CFAP299: variants seen among roughly 807,000 people sequenced by gnomAD.
CFAP299 encodes the protein cilia and flagella associated protein 299, also known as cilia- and flagella-associated protein 299.
CFAP299 carries 21 observed loss-of-function variants against 27.0 expected under a neutral mutation model. The ratio of observed to expected loss-of-function variants is 0.78; its 90% CI spans 0.55 to 1.12. The LOEUF (loss-of-function observed/expected upper bound fraction) is 1.12. Among genes scored for constraint, CFAP299 ranks in the 50% most tolerant of loss-of-function variants. CFAP299 has a pLI of 0.00. For missense variants in CFAP299, 310 were observed against 276.6 expected, an observed-to-expected ratio of 1.12 and a Z score of -0.86; for synonymous variants, 104 against 98.1, an observed-to-expected ratio of 1.06 and a Z score of -0.36.
At chr4:80,517,215 G>A (rs925621832) in intron 2 of CFAP299, among the ~76,000 whole-genome samples, 4 of 152,092 alleles carry the variant, frequency 2.6e-5, no homozygotes, top group Admixed American at 1.3e-4. Flanking sequence ...CTAAATTGTG[G>A]GGTAGGAAGG....
chr4:80,532,333 A>G (rs1027531394), intron 2 of CFAP299, among the ~76,000 whole-genome samples: 1 of 152,124 alleles, frequency 6.6e-6, no homozygotes, highest in Non-Finnish European at 1.5e-5. Flanking sequence ...AAATGTTGGG[A>G]AAAAAACTGT....
rs548557688 is a variant in CFAP299 at position 80,677,592 on chromosome 4, T to G, written c.333+94409T>G. 5.6e-4 allele frequency among the ~76,000 whole-genome samples: 85 copies of G among 152,190 alleles called. 1 individual carries two copies. The highest frequency in any genetic ancestry group is 1.9e-3 in the African/African-American group (78 of 41,574). On this transcript the variant is annotated intron_variant, in intron 3 of 5. Coordinates refer to ENST00000358105, the MANE Select transcript of CFAP299 (RefSeq NM_152770.3). Reference sequence around the variant, plus strand: ...GTTCTCCTCCTCTCAAATCATATCATTATGATACAATAATATCATAAAAAC... The same window carrying G: ...GTTCTCCTCCTCTCAAATCATATCAGTATGATACAATAATATCATAAAAAC...
intron 2 of CFAP299, among the ~76,000 whole-genome samples, chr4:80,396,533 C>A (rs1725807421): frequency 1.3e-5 from 2 of 152,056 alleles, no homozygotes; most frequent in South Asian, 4.1e-4. Context: ...ACAATGAATT[C>A]TTTTTAGTGT....
At chr4:80,547,838 C>T (rs925911170) in intron 2 of CFAP299, among the ~76,000 whole-genome samples, 3 of 152,128 alleles carry the variant, frequency 2.0e-5, no homozygotes, top group South Asian at 2.1e-4. Context: ...TACCATTTCA[C>T]ACCAGTCAGA....
At chr4:80,507,636 T>C (rs1442268340) in intron 2 of CFAP299, among the ~76,000 whole-genome samples, 1 of 152,212 alleles carries the variant, frequency 6.6e-6, no homozygotes, top group East Asian at 1.9e-4. Context: ...CTCCCTGTTT[T>C]CACAGCTACT....
chr4:80,487,199 A>G (rs1313543687), intron 2 of CFAP299, among the ~76,000 whole-genome samples: 1 of 152,192 alleles, frequency 6.6e-6, no homozygotes, highest in East Asian at 1.9e-4. Flanking sequence ...TTTTATATAT[A>G]CCATTTCTAA....
At chr4:80,851,729 G>A (rs1411342214) in intron 3 of CFAP299, among the ~76,000 whole-genome samples, 4 of 152,134 alleles carry the variant, frequency 2.6e-5, no homozygotes, top group African/African-American at 9.7e-5. Context: ...GGGGTGGGAT[G>A]GGACCATTTT....
In CFAP299 at chr4:80,718,327, C is replaced by A. The variant is rs150845595; in HGVS notation, c.333+135144C>A. On this transcript the variant is annotated intron_variant, in intron 3 of 5. Coordinates refer to ENST00000358105, the MANE Select transcript of CFAP299 (RefSeq NM_152770.3). ...GTCTTTGGCCTGGTATCTTTGGTATCGAATTATATTCAATATATTTTTGGT... is the reference window on the plus strand; with the variant it reads ...GTCTTTGGCCTGGTATCTTTGGTATAGAATTATATTCAATATATTTTTGGT... 2.7e-3 allele frequency among the ~76,000 whole-genome samples: 404 copies of A among 152,010 alleles called. 3 individuals carry two copies. Among genetic ancestry groups the A allele is most frequent in the African/African-American group, 9.4e-3 (391 of 41,468 alleles).
intron 2 of CFAP299, among the ~76,000 whole-genome samples, chr4:80,441,594 C>G (rs1560568987): frequency 6.6e-6 from 1 of 152,146 alleles, no homozygotes; most frequent in Non-Finnish European, 1.5e-5. Flanking sequence ...CCAGCCACTG[C>G]AACAACATAC....
intron 2 of CFAP299, among the ~76,000 whole-genome samples, chr4:80,413,684 C>A (rs986641841): frequency 2.0e-5 from 3 of 150,578 alleles, no homozygotes; most frequent in Non-Finnish European, 4.4e-5. Context: ...GGAAATAAAG[C>A]TGAATCTTCT....
chr4:80,578,279 A>G (rs543712238), intron 2 of CFAP299, among the ~76,000 whole-genome samples: 32 of 152,326 alleles, frequency 2.1e-4, no homozygotes, highest in African/African-American at 7.7e-4. Flanking sequence ...AAATAAGAGT[A>G]ATGCATGTTA....
At chr4:80,626,788 T>G (rs1738932050) in intron 3 of CFAP299, among the ~76,000 whole-genome samples, 2 of 151,734 alleles carry the variant, frequency 1.3e-5, no homozygotes, top group South Asian at 4.1e-4. Flanking sequence ...TTGATGCTTT[T>G]ATTATGAAGA....
chr4:80,468,415 G>A (rs531346709), intron 2 of CFAP299, among the ~76,000 whole-genome samples: 1 of 151,582 alleles, frequency 6.6e-6, no homozygotes, highest in South Asian at 2.1e-4. Context: ...GTAGAGATGG[G>A]GTTTTCCCAT....
intron 3 of CFAP299, among the ~76,000 whole-genome samples, chr4:80,808,998 C>G (rs949939104): frequency 3.9e-5 from 6 of 152,012 alleles, no homozygotes; most frequent in African/African-American, 1.4e-4. Flanking sequence ...AGGGAGAAAC[C>G]AATCCAAAGC....
intron 3 of CFAP299, among the ~76,000 whole-genome samples, chr4:80,727,373 T>C (rs1723222153): frequency 6.6e-6 from 1 of 152,134 alleles, no homozygotes; most frequent in African/African-American, 2.4e-5. Flanking sequence ...AACTGGTCTG[T>C]ACTTCACTTT....
At position 80,796,338 on chromosome 4, in the gene CFAP299, C is replaced by T. The variant is rs576032121; in HGVS notation, c.334-73655C>T. On this transcript the variant is annotated intron_variant, in intron 3 of 5. Coordinates refer to ENST00000358105, the MANE Select transcript of CFAP299 (RefSeq NM_152770.3). ...ATCCTCTGGCATGCAAACGTCTCAC[C>T]AATAAGTCACATGTGTTTGTTACTT... 1.6e-4 allele frequency among the ~76,000 whole-genome samples: 25 copies of T among 152,246 alleles called. No homozygotes were observed. The South Asian group carries it at 5.0e-3, about 30-fold the overall frequency.
chr4:80,468,075 G>C (rs1475105875), intron 2 of CFAP299, among the ~76,000 whole-genome samples: 3 of 152,184 alleles, frequency 2.0e-5, no homozygotes, highest in African/African-American at 7.2e-5. Flanking sequence ...ATCAGTGGAT[G>C]AAAGTAAATT....
chr4:80,906,730 G>A (rs1322378631), intron 4 of CFAP299, among the ~76,000 whole-genome samples: 1 of 152,138 alleles, frequency 6.6e-6, no homozygotes, highest in Non-Finnish European at 1.5e-5. Context: ...ACCCCTTTTA[G>A]CCATGGCTGG....
At chr4:80,568,812 T>C (rs1406227036) in intron 2 of CFAP299, among the ~76,000 whole-genome samples, 1 of 152,058 alleles carries the variant, frequency 6.6e-6, no homozygotes, top group South Asian at 2.1e-4. Context: ...AGACTGAGGG[T>C]TGAGGGCTAT....
Sources: gnomAD v4.1 joint callset for allele counts (sites outside exome capture counted in the v4.1 genomes callset) on GRCh38, gnomAD v4.1.1 for gene constraint, MANE v1.5 for transcripts, NCBI Gene and HGNC (gene_info 2026-07-23, HGNC 2026-07-21) for gene names.